Variants in KCNN2 observed in about 807,000 individuals in gnomAD.
KCNN2 encodes potassium calcium-activated channel subfamily N member 2.
KCNN2 carries 24 observed loss-of-function variants against 55.5 expected under a neutral mutation model. The observed-to-expected ratio is 0.43, with a 90% CI of 0.31 to 0.61. The LOEUF is 0.61. Ranked by LOEUF, KCNN2 falls within the 20% of genes least tolerant of loss-of-function variation. KCNN2 has a pLI of 0.08. For missense variants in KCNN2, 754 were observed against 853.6 expected (o/e 0.88, Z 1.45); for synonymous variants, 431 against 336.1 (o/e 1.28, Z -3.09).
chr5:114,443,336 A>G (rs1760289125), intron 3 of KCNN2, among the ~76,000 whole-genome samples: 1 of 152,174 alleles, frequency 6.6e-6, no homozygotes, highest in South Asian at 2.1e-4. Context: ...GAGGCTTAAG[A>G]ACATGGGGGT....
At chr5:114,300,219 T>G (rs1403205562) in intron 2 of KCNN2, among the ~76,000 whole-genome samples, 1 of 152,180 alleles carries the variant, frequency 6.6e-6, no homozygotes, top group African/African-American at 2.4e-5. Context: ...TCTCACCTCT[T>G]TCATAAAAGT....
chr5:114,168,880 C>G (rs1205340162), intron 1 of KCNN2, among the ~76,000 whole-genome samples: 2 of 152,056 alleles, frequency 1.3e-5, no homozygotes, highest in African/African-American at 4.8e-5. Context: ...TATGGTTTGG[C>G]TCTGTGTCCC....
chr5:114,241,118 T>G (rs1754609031), intron 2 of KCNN2, among the ~76,000 whole-genome samples: 1 of 151,826 alleles, frequency 6.6e-6, no homozygotes, highest in Admixed American at 6.6e-5. Context: ...TATAAGTACT[T>G]GATTATAAAA....
At chr5:114,248,093 C>A (rs1188206699) in intron 2 of KCNN2, among the ~76,000 whole-genome samples, 1 of 152,172 alleles carries the variant, frequency 6.6e-6, no homozygotes, top group South Asian at 2.1e-4. Flanking sequence ...CGAATCAGGT[C>A]ATGTCGACCT....
chr5:114,310,682 A>G (rs1756376684), intron 2 of KCNN2, among the ~76,000 whole-genome samples: 1 of 152,128 alleles, frequency 6.6e-6, no homozygotes, highest in African/African-American at 2.4e-5. Flanking sequence ...AGACAGGAAT[A>G]TTTCGTAATT....
intron 2 of KCNN2, among the ~76,000 whole-genome samples, chr5:114,267,231 G>T (rs1755228914): frequency 6.6e-6 from 1 of 152,140 alleles, no homozygotes; most frequent in South Asian, 2.1e-4. Context: ...TTGACCTCGT[G>T]ATCCACCCAC....
intron 2 of KCNN2, among the ~76,000 whole-genome samples, chr5:114,243,013 AAT>A (rs5870586): frequency 0.8 from 121,004 of 151,934 alleles, 48,553 homozygotes; most frequent in East Asian, 0.89. Context: ...GAGCAAAAGA[AAT>A]ATTCTCTGCC....
intron 2 of KCNN2, among the ~76,000 whole-genome samples, chr5:114,346,283 C>T (rs1341605477): frequency 6.6e-6 from 1 of 152,170 alleles, no homozygotes; most frequent in Non-Finnish European, 1.5e-5. Flanking sequence ...GCAAACACCT[C>T]CCACCAGGCC....
At chr5:114,168,192 C>CACACAG (rs1752959577) in intron 1 of KCNN2, among the ~76,000 whole-genome samples, 1 of 151,626 alleles carries the variant, frequency 6.6e-6, no homozygotes, top group East Asian at 1.9e-4. Context: ...CACACACACA[C>CACACAG]ACACACACAA....
At chr5:114,354,021 T>G (rs535779045) in intron 2 of KCNN2, among the ~76,000 whole-genome samples, 1 of 152,116 alleles carries the variant, frequency 6.6e-6, no homozygotes, top group East Asian at 1.9e-4. Context: ...CTTTTTTCTC[T>G]TTTTTCTTTT....
At chr5:114,277,250 C>T (rs1163412107) in intron 2 of KCNN2, among the ~76,000 whole-genome samples, 2 of 152,162 alleles carry the variant, frequency 1.3e-5, no homozygotes, top group Non-Finnish European at 2.9e-5. Context: ...CCCAGCCTTT[C>T]TCTCTGACTG....
At chr5:114,308,361 G>T (rs1423682052) in intron 2 of KCNN2, among the ~76,000 whole-genome samples, 1 of 152,204 alleles carries the variant, frequency 6.6e-6, no homozygotes, top group Non-Finnish European at 1.5e-5. Flanking sequence ...TAATTTGGAA[G>T]TGATTCTAAA....
intron 2 of KCNN2, among the ~76,000 whole-genome samples, chr5:114,281,615 C>T (rs950826746): frequency 1.7e-5 from 2 of 121,138 alleles, no homozygotes; most frequent in South Asian, 3.4e-4. Context: ...CTCTCCCCGC[C>T]CCTCCATCTC....
At chr5:114,241,202 G>A (rs1165233822) in intron 2 of KCNN2, among the ~76,000 whole-genome samples, 1 of 151,712 alleles carries the variant, frequency 6.6e-6, no homozygotes, top group African/African-American at 2.4e-5. Flanking sequence ...TAACTCTAAT[G>A]TCACAAAAAT....
intron 1 of KCNN2, among the ~76,000 whole-genome samples, chr5:114,187,440 C>T (rs1365775490): frequency 6.6e-6 from 1 of 151,510 alleles, no homozygotes; most frequent in Admixed American, 6.6e-5. Context: ...AGATTCCTGG[C>T]CTAACCTTTT....
intron 2 of KCNN2, among the ~76,000 whole-genome samples, chr5:114,399,928 T>TG (rs1554086195): frequency 7.4e-6 from 1 of 134,292 alleles, no homozygotes. Context: ...GTTTTTTTTT[T>TG]TGTTTTTTTT....
In KCNN2 at chr5:114,346,224, C is replaced by T. The variant is rs572844077; in HGVS notation, c.-184-14721C>T. ...TCACTCACTATTGTGAAGACAGAAT[C>T]AAGCCATGCGACGACAACACCAAGC... On this transcript the variant is annotated intron_variant, in intron 2 of 10. Transcript: ENST00000512097. 3.9e-5 allele frequency among the ~76,000 whole-genome samples: 6 copies of T among 152,286 alleles called. No individual in the cohort carries two copies. The South Asian group carries it at 1.2e-3, about 32-fold the overall frequency.
intron 2 of KCNN2, among the ~76,000 whole-genome samples, chr5:114,369,485 G>T (rs1053052404): frequency 2.6e-5 from 4 of 152,142 alleles, no homozygotes; most frequent in Non-Finnish European, 5.9e-5. Context: ...TTCTGCTATG[G>T]TAGTTTCATG....
chr5:114,216,457 C>A lies in KCNN2; in HGVS notation c.-270-5023C>A, dbSNP rs150639884. 2.8e-3 allele frequency among the ~76,000 whole-genome samples: 432 copies of A among 152,200 alleles called. 1 individual carries two copies. The highest frequency in any genetic ancestry group is 1.0e-2 in the African/African-American group (415 of 41,556). ...TACCCATGAATATTATGAGGCATCT[C>A]ACAATGTTGTCATTGGACCATGTGA... On this transcript the variant is annotated intron_variant, in intron 1 of 10. Coordinates refer to the KCNN2 transcript ENST00000512097.
Sources: gnomAD v4.1 joint callset for allele counts (sites outside exome capture counted in the v4.1 genomes callset) on GRCh38, gnomAD v4.1.1 for gene constraint, MANE v1.5 for transcripts, NCBI Gene and HGNC (gene_info 2026-07-23, HGNC 2026-07-21) for gene names.